DOCK6: variants seen among roughly 807,000 people sequenced by gnomAD.
DOCK6 encodes dedicator of cytokinesis protein 6.
DOCK6 carries 167 observed loss-of-function variants against 230.3 expected under a neutral mutation model. That is an observed-to-expected ratio of 0.73 (90% CI 0.64 to 0.82). The LOEUF (loss-of-function observed/expected upper bound fraction) is 0.82. DOCK6 is among the 40% of genes least tolerant of loss of function. The pLI is 0.00. For missense variants in DOCK6, 2,598 were observed against 2,825.8 expected, an observed-to-expected ratio of 0.92 and a Z score of 1.83; for synonymous variants, 1,148 against 1,185.0, an observed-to-expected ratio of 0.97 and a Z score of 0.64.
rs768074141 is a variant in DOCK6, at chr19:11,241,398, G to C, written c.1643+647C>G. 1.5e-5 allele frequency: 19 copies of C among 1,235,922 alleles called. No homozygotes were observed. In the South Asian group the frequency reaches 1.8e-4, roughly 12 times the overall value. The allele number at this position is 1,235,922 out of a possible 1,614,324, so 76.6% of individuals were successfully genotyped here. A position where few individuals can be genotyped will look rare whatever the true frequency, so the allele number is the denominator to read the frequency against. On this transcript the variant is annotated intron_variant, in intron 14 of 47. Coordinates refer to ENST00000294618, the MANE Select transcript of DOCK6 (RefSeq NM_020812.4). ...GGCTGGGGCAGAGGGTCAGGGGATG[G>C]GAGGTGAGGTGGCTGTCGGCTGAGG...
chr19:11,237,855 G>A (rs1156722564), intron 16 of DOCK6, 76 bp from the exon 17 acceptor site: 18 of 1,473,100 alleles, frequency 1.2e-5, no homozygotes, highest in African/African-American at 5.6e-5. Context: ...GCCATGCCAC[G>A]CCCTTATTGC....
chr19:11,199,690 G>A (rs539844860), intron 47 of DOCK6, among the ~76,000 whole-genome samples, 151 bp from the exon 48 acceptor site: 224 of 152,294 alleles, frequency 1.5e-3, no homozygotes, highest in Middle Eastern at 3.4e-3. Flanking sequence ...GGGATTCTCC[G>A]ATTCTCTCTT....
At chr19:11,229,724 G>A (rs946512824) in intron 22 of DOCK6, among the ~76,000 whole-genome samples, 1 of 151,876 alleles carries the variant, frequency 6.6e-6, no homozygotes, top group Non-Finnish European at 1.5e-5. Flanking sequence ...GTGGGTATGG[G>A]AGAAGAACGT....
At chr19:11,224,915 T>C (rs956371889) in intron 24 of DOCK6, among the ~76,000 whole-genome samples, 1 of 151,920 alleles carries the variant, frequency 6.6e-6, no homozygotes, top group Non-Finnish European at 1.5e-5. Flanking sequence ...ATACAAAAAA[T>C]TAGCCAGGGG....
chr19:11,205,504 AG>A (rs995676566), intron 39 of DOCK6, among the ~76,000 whole-genome samples: 9 of 152,006 alleles, frequency 5.9e-5, no homozygotes, highest in Non-Finnish European at 1.3e-4. Flanking sequence ...CACCACGCCC[AG>A]CTACTTTTTT....
rs370113731 is a variant in DOCK6 at position 11,222,225 on chromosome 19, G to A, written c.3264C>T (p.Ala1088=). 160 of 1,602,858 alleles carry A rather than the reference G, an allele frequency of 1.0e-4. No homozygotes were observed. The African/African-American group carries it at 1.8e-3, about 18-fold the overall frequency. The change falls in exon 27 of 48, where the codon GCC becomes GCT. Residue 1088 remains alanine (A), a synonymous_variant. Coordinates refer to ENST00000294618, the MANE Select transcript of DOCK6 (RefSeq NM_020812.4). The surrounding 1 kb of genome is among the most constrained non-coding windows in gnomAD (Gnocchi z 4.0). ...ACATGCTGGTCACCTTGGGGTCCGG[G>A]GCTTGGCTGGAGAAGGTGGAGCTCT... ...TSQSSTFSSQ[A]PDPKVTSMFE... is the part of the protein sequence containing the mutation.
rs2079950529 is a variant in DOCK6 at position 11,241,809 on chromosome 19, T to A, written c.1643+236A>T. The A allele has an allele frequency of 4.1e-6, 6 of 1,478,398 alleles. No homozygotes were observed. The East Asian group carries it at 1.5e-4, about 36-fold the overall frequency. 91.6% of individuals were successfully genotyped at this position (1,478,398 alleles called of 1,614,324 possible). ...ATCAGCCAGGGCGCCGGGCCCCACT[T>A]CTGAGCACAGAGCAGAGACAGACGC... On this transcript the variant is annotated intron_variant, in intron 14 of 47. Coordinates refer to ENST00000294618, the MANE Select transcript of DOCK6 (RefSeq NM_020812.4).
rs2079183462 is a variant in DOCK6 at position 11,202,353 on chromosome 19, C to CT, written c.5451+40dup. 1 of 1,598,104 alleles carries CT rather than the reference C, an allele frequency of 6.3e-7. No homozygotes were observed. Among genetic ancestry groups the CT allele is most frequent in the Non-Finnish European group, 8.5e-7 (1 of 1,171,616 alleles). On this transcript the variant is annotated intron_variant, in intron 43 of 47. Transcript: ENST00000294618. This position sits in a 1 kb window ranked among gnomAD's most constrained non-coding sequence, Gnocchi z 5.3. ...CCCCAGGAAACAGCACTTGGAGTCT[C>CT]TGTGAATCTAAGATTTTGGGGAAAT...
intron 28 of DOCK6, among the ~76,000 whole-genome samples, chr19:11,220,626 G>A: frequency 6.6e-6 from 1 of 152,044 alleles, no homozygotes; most frequent in East Asian, 1.9e-4. Context: ...AAAATGTGGT[G>A]GATAAGAGAG....
In DOCK6 at chr19:11,233,343, C is replaced by T. The variant is rs765451093; in HGVS notation, c.2578G>A (p.Ala860Thr). The T allele has an allele frequency of 6.2e-7, 1 of 1,613,750 alleles. No homozygotes were observed. The highest frequency in any genetic ancestry group is 8.5e-7 in the Non-Finnish European group (1 of 1,179,758). The change falls in exon 22 of 48, where the codon GCT becomes ACT. Residue 860 changes from alanine to threonine, a missense_variant. By Grantham distance (58) the Ala-to-Thr change is moderately conservative (BLOSUM62 0). Coordinates refer to ENST00000294618, the MANE Select transcript of DOCK6 (RefSeq NM_020812.4). ...CCAGAGCCACGGGCCAGTGTGGCAGCCTGCACTGTCACTGGAGGGGCCCCT... is the reference window on the plus strand; with the variant it reads ...CCAGAGCCACGGGCCAGTGTGGCAGTCTGCACTGTCACTGGAGGGGCCCCT... ...PDGAPPVTVQ[A>T]ATLARGSGRP...
intron 34 of DOCK6, among the ~76,000 whole-genome samples, chr19:11,214,009 C>T (rs944698641): frequency 6.6e-6 from 1 of 152,052 alleles, no homozygotes; most frequent in African/African-American, 2.4e-5. Flanking sequence ...TCTCGAACTC[C>T]TAGGCTCACA....
At position 11,215,432 on chromosome 19, in the gene DOCK6, C is replaced by T. The variant is rs372715066; in HGVS notation, c.4061G>A (p.Arg1354Gln). Residue 1354 changes from arginine (R) to glutamine (Q), a missense_variant, in exon 32 of 48, where the codon CGG (arginine) becomes CAG (glutamine). By Grantham distance (43) the Arg-to-Gln change is conservative (BLOSUM62 1). Transcript: ENST00000294618. Reference sequence around the variant, plus strand: ...TTGCTTCCAGTGTGTGACGCTCTTCCGCCAGCGCACATTCTCCGGATTCCC... The same window carrying T: ...TTGCTTCCAGTGTGTGACGCTCTTCTGCCAGCGCACATTCTCCGGATTCCC... ...PFGNPENVRW[R>Q]KSVTHWKQTS... 5.4e-5 allele frequency: 87 copies of T among 1,613,570 alleles called. No homozygotes were observed. The highest frequency in any genetic ancestry group is 5.9e-5 in the Non-Finnish European group (70 of 1,179,860).
intron 21 of DOCK6, 108 bp from the exon 22 acceptor site, chr19:11,233,474 C>T (rs1427392467): frequency 6.6e-6 from 9 of 1,359,676 alleles, no homozygotes; most frequent in Non-Finnish European, 8.9e-6. Context: ...CTCTGAGCCT[C>T]TAAGTTCCTC....
intron 37 of DOCK6, among the ~76,000 whole-genome samples, chr19:11,209,865 G>C (rs1600858938): frequency 1.3e-5 from 1 of 78,490 alleles, no homozygotes; most frequent in African/African-American, 5.0e-5. Context: ...CCCTTCACCT[G>C]TCTATCCCCT....
At chr19:11,242,288 A>G in intron 13 of DOCK6, 81 bp from the exon 14 acceptor site, 1 of 1,295,108 alleles carries the variant, frequency 7.7e-7, no homozygotes. Context: ...TAGTCAGGGC[A>G]GACTCTCCCA....
rs2079848871 is a variant in DOCK6, at chr19:11,236,427, G to C, written c.2311C>G (p.Pro771Ala). ...ACGTGGTGGGAGAAGGCCACAAGGG[G>C]TTCGGGGCTGGCCAGGCGCAGTGCT... Reference protein sequence around the residue: ...LAALRLASPEPLVAFSHHVLD... With the variant: ...LAALRLASPEALVAFSHHVLD... The change falls in exon 20 of 48, where the codon CCC becomes GCC. Residue 771 changes from proline (P) to alanine (A), a missense_variant. Physicochemically the swap from Pro to Ala is conservative, Grantham distance 27. Coordinates refer to ENST00000294618, the MANE Select transcript of DOCK6 (RefSeq NM_020812.4). The surrounding 1 kb of genome is among the most constrained non-coding windows in gnomAD (Gnocchi z 5.2). The C allele has an allele frequency of 6.3e-7, 1 of 1,589,462 alleles. No homozygotes were observed. Among genetic ancestry groups the C allele is most frequent in the Non-Finnish European group, 8.6e-7 (1 of 1,168,604 alleles).
chr19:11,229,143 G>T, intron 22 of DOCK6, 108 bp from the exon 23 acceptor site: 1 of 1,257,250 alleles, frequency 8.0e-7, no homozygotes, highest in Non-Finnish European at 1.1e-6. Flanking sequence ...GGTTAGTGCA[G>T]CAGGAGCCAG....
Position 11,212,136 on chromosome 19 carries a change from T to TCACA in DOCK6, c.4503_4506dup (p.Lys1503CysfsTer21). 6.2e-7 allele frequency: 1 copy of TCACA among 1,609,070 alleles called. No individual in the cohort carries two copies. Among genetic ancestry groups the TCACA allele is most frequent in the Non-Finnish European group, 8.5e-7 (1 of 1,178,958 alleles). On this transcript the variant is annotated frameshift_variant, in exon 36 of 48. Coordinates refer to ENST00000294618, the MANE Select transcript of DOCK6 (RefSeq NM_020812.4). LOFTEE classifies it high-confidence loss of function. ...GAGAGAGACATGGTGACCTGCATCTTCACACGGGCAAAGTTCTGCAGGGAC... is the reference window on the plus strand; with the variant it reads ...GAGAGAGACATGGTGACCTGCATCTTCACACACACGGGCAAAGTTCTGCAGGGAC...
Position 11,236,740 on chromosome 19 carries a change from G to A in DOCK6, c.2160+53C>T, listed in dbSNP as rs2079854714. The A allele has an allele frequency of 2.6e-6, 4 of 1,546,466 alleles. No homozygotes were observed. Among genetic ancestry groups the A allele is most frequent in the Admixed American group, 3.9e-5 (2 of 50,954 alleles). On this transcript the variant is annotated intron_variant, in intron 19 of 47. Coordinates refer to ENST00000294618, the MANE Select transcript of DOCK6 (RefSeq NM_020812.4). The surrounding 1 kb of genome is among the most constrained non-coding windows in gnomAD (Gnocchi z 5.2). The stretch of plus-strand genomic sequence containing the variant: ...ATCGGCAACTGTTACTCAATCGTAG[G>A]GCAGGCAAGAGGGGAGCAGGGCGGG...
Sources: gnomAD v4.1 joint callset for allele counts (sites outside exome capture counted in the v4.1 genomes callset) on GRCh38, gnomAD v4.1.1 for gene constraint, Gnocchi (gnomAD v3.1) non-coding constraint, MANE v1.5 for transcripts, NCBI Gene and HGNC (gene_info 2026-07-23, HGNC 2026-07-21) for gene names.